The following PSD3 variants were observed in gnomAD, a reference collection of about 807,000 sequenced individuals.
PSD3 encodes the protein pleckstrin and Sec7 domain containing 3.
A neutral mutation model predicts 105.5 loss-of-function variants in PSD3; 49 were observed. That is an observed-to-expected ratio of 0.46 (90% CI 0.37 to 0.59). The LOEUF is 0.59. Ranked by LOEUF, PSD3 falls within the 20% of genes least tolerant of loss-of-function variation. PSD3 has a pLI of 0.00. For missense variants in PSD3, 1,561 were observed against 1,263.8 expected (o/e 1.24, Z -3.57); for synonymous variants, 557 against 457.8 (o/e 1.22, Z -2.77).
chr8:18,647,900 CG>C (rs2130822710), intron 10 of PSD3, among the ~76,000 whole-genome samples: 1 of 152,188 alleles, frequency 6.6e-6, no homozygotes, highest in Admixed American at 6.5e-5. Flanking sequence ...CCTCTTGCTC[CG>C]GCCATGTGAA....
chr8:18,789,323 A>C (rs335249), intron 8 of PSD3, among the ~76,000 whole-genome samples: 1 of 152,196 alleles, frequency 6.6e-6, no homozygotes, highest in Non-Finnish European at 1.5e-5. Flanking sequence ...AAACACAAAC[A>C]GATATGAGAA....
At chr8:18,962,915 T>C (rs1046133975) in intron 1 of PSD3, among the ~76,000 whole-genome samples, 3 of 152,180 alleles carry the variant, frequency 2.0e-5, no homozygotes, top group African/African-American at 7.2e-5. Flanking sequence ...TATGCCATGG[T>C]CCTTGGAAGA....
chr8:18,747,973 G>A (rs1052366281), intron 9 of PSD3, among the ~76,000 whole-genome samples: 5 of 152,084 alleles, frequency 3.3e-5, no homozygotes, highest in Non-Finnish European at 7.4e-5. Flanking sequence ...GAAAGACTAC[G>A]GAAGTCTTCG....
At chr8:18,557,053 G>C (rs1801125295) in intron 14 of PSD3, among the ~76,000 whole-genome samples, 1 of 152,112 alleles carries the variant, frequency 6.6e-6, no homozygotes, top group South Asian at 2.1e-4. Flanking sequence ...TACATCAAAG[G>C]ATTTCCATTC....
At chr8:18,614,834 C>T (rs1306431828) in intron 11 of PSD3, among the ~76,000 whole-genome samples, 1 of 150,550 alleles carries the variant, frequency 6.6e-6, no homozygotes, top group Non-Finnish European at 1.5e-5. Flanking sequence ...CGGGGTCTTG[C>T]AATGTTGCCC....
rs1420837875 is a variant in PSD3 at position 18,790,032 on chromosome 8, T to G, written c.2082+9263A>C. Among the ~76,000 whole-genome samples, 4 of 152,104 alleles carry G rather than the reference T, an allele frequency of 2.6e-5. No homozygotes were observed. In the East Asian group the frequency reaches 7.7e-4, roughly 29 times the overall value. On this transcript the variant is annotated intron_variant, in intron 8 of 15. Coordinates refer to ENST00000327040, the MANE Select transcript of PSD3 (RefSeq NM_015310.4). ...AGGTATTTTCCATATATAAACCTGTTCTTAAAAAAGCAAAACTACCAAAAG... is the reference window on the plus strand; with the variant it reads ...AGGTATTTTCCATATATAAACCTGTGCTTAAAAAAGCAAAACTACCAAAAG...
intron 9 of PSD3, among the ~76,000 whole-genome samples, chr8:18,735,883 T>G (rs1384604650): frequency 6.6e-6 from 1 of 152,120 alleles, no homozygotes; most frequent in Non-Finnish European, 1.5e-5. Flanking sequence ...AGGAAACTTA[T>G]TTGGCAAATT....
chr8:18,947,991 T>C (rs1822972976), intron 1 of PSD3, among the ~76,000 whole-genome samples: 1 of 152,194 alleles, frequency 6.6e-6, no homozygotes, highest in Non-Finnish European at 1.5e-5. Context: ...AGACCTTCAA[T>C]GAAAGAATTT....
At chr8:18,821,906 G>C in intron 4 of PSD3, among the ~76,000 whole-genome samples, 1 of 116,120 alleles carries the variant, frequency 8.6e-6, no homozygotes, top group Non-Finnish European at 1.9e-5. Context: ...ACACACAAAT[G>C]GTTGCTTAGA....
chr8:18,935,863 T>A (rs1478129558), intron 2 of PSD3, among the ~76,000 whole-genome samples, 171 bp downstream of exon 2: 1 of 152,196 alleles, frequency 6.6e-6, no homozygotes, highest in African/African-American at 2.4e-5. Flanking sequence ...CCACAAGAAT[T>A]ACATGAAATA....
chr8:18,573,021 A>C (rs907497073), intron 13 of PSD3, among the ~76,000 whole-genome samples: 1 of 152,230 alleles, frequency 6.6e-6, no homozygotes, highest in Non-Finnish European at 1.5e-5. Flanking sequence ...TGTACTGTTT[A>C]ATTTTAAAAT....
intron 2 of PSD3, among the ~76,000 whole-genome samples, 159 bp downstream of exon 2, chr8:18,935,875 T>A (rs1414033473): frequency 6.6e-6 from 1 of 152,186 alleles, no homozygotes; most frequent in African/African-American, 2.4e-5. Context: ...CATGAAATAT[T>A]TGCGGATTCT....
At chr8:18,667,596 A>C (rs1799545434) in intron 9 of PSD3, among the ~76,000 whole-genome samples, 1 of 152,154 alleles carries the variant, frequency 6.6e-6, no homozygotes, top group Admixed American at 6.5e-5. Flanking sequence ...CCCCAAATAG[A>C]TTTAGGAGCC....
At chr8:18,724,842 C>T (rs1023043168) in intron 9 of PSD3, among the ~76,000 whole-genome samples, 2 of 151,908 alleles carry the variant, frequency 1.3e-5, no homozygotes, top group Non-Finnish European at 1.5e-5. Context: ...TAACAGTCTG[C>T]GTCCCTGGAT....
chr8:18,703,139 A>C (rs535553446), intron 9 of PSD3, among the ~76,000 whole-genome samples: 6 of 152,338 alleles, frequency 3.9e-5, no homozygotes, highest in Non-Finnish European at 7.3e-5. Flanking sequence ...TAAAAAAGGA[A>C]TACAAGAAAA....
intron 4 of PSD3, among the ~76,000 whole-genome samples, chr8:18,822,515 A>G (rs1239413762): frequency 6.6e-6 from 1 of 152,054 alleles, no homozygotes; most frequent in African/African-American, 2.4e-5. Context: ...CTCAAATTCA[A>G]CTCTTAAAAT....
intron 9 of PSD3, chr8:18,684,204 CCACACACACACACACACACACA>C (rs67855105): frequency 1.0e-4 from 20 of 195,660 alleles, no homozygotes; most frequent in Non-Finnish European, 1.5e-4. Context: ...TCTCTCTTTT[CCACACACACACACACACACACA>C]CACACACACA....
At chr8:18,591,403 G>C (rs1374571317) in intron 12 of PSD3, among the ~76,000 whole-genome samples, 1 of 152,168 alleles carries the variant, frequency 6.6e-6, no homozygotes, top group Non-Finnish European at 1.5e-5. Context: ...GAAAGTGGTG[G>C]GTGGTTCGCT....
intron 2 of PSD3, among the ~76,000 whole-genome samples, chr8:18,906,724 A>T (rs957113627): frequency 3.3e-5 from 5 of 152,244 alleles, no homozygotes; most frequent in African/African-American, 1.2e-4. Flanking sequence ...TCAGATTTAG[A>T]AATAAAAACA....
Sources: gnomAD v4.1 joint callset for allele counts (sites outside exome capture counted in the v4.1 genomes callset) on GRCh38, gnomAD v4.1.1 for gene constraint, MANE v1.5 for transcripts, NCBI Gene and HGNC (gene_info 2026-07-23, HGNC 2026-07-21) for gene names.